The following HIP1 variants were observed in gnomAD, a reference collection of about 807,000 sequenced individuals.
HIP1 encodes the protein huntingtin-interacting protein 1.
Under a neutral mutation model 147.6 loss-of-function variants are expected in HIP1, and 65 were observed. That is an observed-to-expected ratio of 0.44 (90% confidence interval 0.36 to 0.54). The LOEUF (loss-of-function observed/expected upper bound fraction) is 0.54. Ranked by LOEUF, HIP1 falls within the 20% of genes least tolerant of loss-of-function variation. HIP1 has a pLI of 0.00. For missense variants in HIP1, 1,061 were observed against 1,299.6 expected (o/e 0.82, Z 2.82); for synonymous variants, 479 against 504.0 (o/e 0.95, Z 0.67).
intron 1 of HIP1, among the ~76,000 whole-genome samples, chr7:75,737,115 G>T (rs1289411932): frequency 4.6e-5 from 7 of 151,974 alleles, no homozygotes; most frequent in African/African-American, 9.7e-5. Context: ...AAATAGAGGC[G>T]GGATCTCAGT....
chr7:75,548,384 C>T lies in HIP1; in HGVS notation c.2406+507G>A, dbSNP rs185606377. Among the ~76,000 whole-genome samples, 434 of 152,174 alleles carry T rather than the reference C, an allele frequency of 2.9e-3. 3 individuals are homozygous for T. The highest frequency in any genetic ancestry group is 9.4e-3 in the African/African-American group (391 of 41,518). ...GATTCTTGAGGAAACTAATCACCTT[C>T]TCTCATGAGGACCTTCTCTCATGAG... On this transcript the variant is annotated intron_variant, in intron 23 of 30. Coordinates refer to ENST00000336926, the MANE Select transcript of HIP1 (RefSeq NM_005338.7).
intron 1 of HIP1, among the ~76,000 whole-genome samples, chr7:75,736,898 C>A (rs1554523757): frequency 6.6e-6 from 1 of 151,306 alleles, no homozygotes. Context: ...ACTATCCAGA[C>A]ACACCTGCGC....
At chr7:75,674,334 G>GT (rs1267965447) in intron 1 of HIP1, among the ~76,000 whole-genome samples, 1 of 151,964 alleles carries the variant, frequency 6.6e-6, no homozygotes, top group African/African-American at 2.4e-5. Context: ...TTAGCCATGG[G>GT]TTTTTTTGTT....
At position 75,736,618 on chromosome 7, in the gene HIP1, G is replaced by A. The variant is rs529234678; in HGVS notation, c.120+2183C>T. On this transcript the variant is annotated intron_variant, in intron 1 of 30. Transcript: ENST00000336926. ...TGGAGCAAGAAGCCTCATGTAACTA[G>A]GCAGCTAGCAGAGGCACTAACATCC... Among the ~76,000 whole-genome samples the A allele has an allele frequency of 4.6e-5, 7 of 152,164 alleles. No individual in the cohort carries two copies. The East Asian group carries it at 1.3e-3, about 29-fold the overall frequency.
intron 1 of HIP1, among the ~76,000 whole-genome samples, chr7:75,730,088 T>G (rs1184346724): frequency 6.6e-6 from 1 of 151,956 alleles, no homozygotes; most frequent in African/African-American, 2.4e-5. Context: ...TGGGAAGTGG[T>G]CACTCAGGCT....
chr7:75,600,235 C>T (rs1313500668), intron 1 of HIP1, among the ~76,000 whole-genome samples: 6 of 151,850 alleles, frequency 4.0e-5, no homozygotes, highest in South Asian at 2.1e-4. Flanking sequence ...CTCAGCCTCC[C>T]GAGTAGCTGG....
rs200169579 is a variant in HIP1 at position 75,736,063 on chromosome 7, CT to C, written c.120+2737del. Among the ~76,000 whole-genome samples, 223 of 147,876 alleles carry C rather than the reference CT, an allele frequency of 1.5e-3. 1 individual carries two copies. In the South Asian group the frequency reaches 0.019, roughly 12 times the overall value. ...TGGGAAAACACAGTGAGACCTCCGT[CT>C]TAAAAAAAAAAAAAGTTAAAAATAA... On this transcript the variant is annotated intron_variant, in intron 1 of 30. Transcript: ENST00000336926.
chr7:75,669,221 A>C (rs1270280896), intron 1 of HIP1, among the ~76,000 whole-genome samples: 4 of 151,778 alleles, frequency 2.6e-5, no homozygotes, highest in Non-Finnish European at 5.9e-5. Flanking sequence ...AAAATACAAA[A>C]AATTAGGCTG....
chr7:75,686,978 C>G (rs1358573351), intron 1 of HIP1, among the ~76,000 whole-genome samples: 1 of 151,850 alleles, frequency 6.6e-6, no homozygotes, highest in Non-Finnish European at 1.5e-5. Context: ...AGCCACTACT[C>G]CCAGCCTGAT....
chr7:75,729,511 C>T (rs1021303231), intron 1 of HIP1, among the ~76,000 whole-genome samples: 11 of 151,622 alleles, frequency 7.3e-5, no homozygotes, highest in South Asian at 2.1e-4. Flanking sequence ...AGCGGCCGGG[C>T]GCAATGGCTC....
chr7:75,615,116 C>T (rs1554505732), intron 1 of HIP1, among the ~76,000 whole-genome samples: 1 of 152,100 alleles, frequency 6.6e-6, no homozygotes, highest in African/African-American at 2.4e-5. Context: ...CAGGGCAAGG[C>T]TGCCACACAG....
At chr7:75,656,506 T>C (rs1471047240) in intron 1 of HIP1, among the ~76,000 whole-genome samples, 1 of 152,114 alleles carries the variant, frequency 6.6e-6, no homozygotes, top group Non-Finnish European at 1.5e-5. Context: ...AGATGGAGTT[T>C]CATTCTTGTT....
intron 24 of HIP1, 32 bp downstream of exon 24, chr7:75,547,723 C>T (rs1794623923): frequency 1.3e-6 from 2 of 1,579,800 alleles, no homozygotes; most frequent in Non-Finnish European, 1.7e-6. Context: ...AGATCCTGCT[C>T]CCCTAGGTCC....
intron 2 of HIP1, among the ~76,000 whole-genome samples, chr7:75,594,007 C>T (rs1393553685): frequency 6.6e-6 from 1 of 151,338 alleles, no homozygotes; most frequent in Non-Finnish European, 1.5e-5. Flanking sequence ...CAGGGTGGAG[C>T]GCGGTGGCTC....
intron 1 of HIP1, among the ~76,000 whole-genome samples, chr7:75,610,495 C>A (rs1345276057): frequency 6.6e-6 from 1 of 151,962 alleles, no homozygotes; most frequent in Non-Finnish European, 1.5e-5. Context: ...CAGTTGTGAG[C>A]CACCGCACCT....
At chr7:75,554,662 C>T (rs1300147203) in intron 19 of HIP1, 136 bp from the exon 20 acceptor site, 3 of 625,232 alleles carry the variant, frequency 4.8e-6, no homozygotes, top group East Asian at 2.7e-5. Flanking sequence ...GAGTAATCAC[C>T]TCTTGATTCA....
At chr7:75,665,423 C>G (rs567033369) in intron 1 of HIP1, among the ~76,000 whole-genome samples, 2 of 151,960 alleles carry the variant, frequency 1.3e-5, no homozygotes, top group Non-Finnish European at 2.9e-5. Flanking sequence ...GAGAGAACCA[C>G]GTGGGGCACA....
rs782724573 is a variant in HIP1, at chr7:75,555,379, G to A, written c.1963+37C>T. 2.5e-6 allele frequency: 4 copies of A among 1,611,480 alleles called. No individual in the cohort carries two copies. The South Asian group carries it at 3.3e-5, about 13-fold the overall frequency. On this transcript the variant is annotated intron_variant, in intron 19 of 30. Coordinates refer to ENST00000336926, the MANE Select transcript of HIP1 (RefSeq NM_005338.7). ...CATCAACAGAGTCTCAGGCTGTAAG[G>A]ACCTGGCCCCTGCCAGCTGGGCAAT...
intron 25 of HIP1, among the ~76,000 whole-genome samples, chr7:75,546,156 C>G (rs1328582940): frequency 6.6e-6 from 1 of 151,856 alleles, no homozygotes; most frequent in Non-Finnish European, 1.5e-5. Flanking sequence ...AGAGTCTAGC[C>G]ACTCTCTGCG....
Sources: allele counts gnomAD v4.1 joint callset (sites outside exome capture counted in the v4.1 genomes callset), GRCh38; gene constraint gnomAD v4.1.1; transcripts MANE v1.5; gene names NCBI Gene and HGNC (gene_info 2026-07-23, HGNC 2026-07-21).